The following DMD variants were observed in gnomAD, a reference collection of about 807,000 sequenced individuals.
The protein encoded by DMD is dystrophin, also known as mutant dystrophin.
In DMD, 63 loss-of-function variants were observed where a neutral mutation model predicts 330.1. The observed-to-expected ratio is 0.19, with a 90% CI of 0.16 to 0.24. The LOEUF is 0.24. Ranked by LOEUF, DMD falls within the 10% of genes least tolerant of loss-of-function variation. The pLI, the probability that DMD is intolerant of heterozygous loss-of-function variation, is 1.00. For missense variants in DMD, 3,344 were observed against 2,684.1 expected (o/e 1.25, Z -5.43); for synonymous variants, 1,223 against 959.8 (o/e 1.27, Z -5.07).
intron 1 of DMD, among the ~76,000 whole-genome samples, chrX:33,059,751 T>C (rs1203532245): frequency 8.9e-6 from 1 of 112,203 alleles, no homozygotes; most frequent in Non-Finnish European, 1.9e-5. Flanking sequence ...TTTGAAGGTA[T>C]GTTATAGAAT....
At chrX:32,394,770 C>T (rs56265192) in intron 30 of DMD, among the ~76,000 whole-genome samples, 18,641 of 108,136 alleles carry the variant, frequency 0.17, 1,414 homozygotes, top group African/African-American at 0.29. Context: ...CCAAATTATA[C>T]ATCTGTAATC....
At chrX:33,004,643 T>A (rs775014609) in intron 2 of DMD, among the ~76,000 whole-genome samples, 3 of 111,359 alleles carry the variant, frequency 2.7e-5, no homozygotes, top group Non-Finnish European at 5.7e-5. Context: ...AAAAAGTTTA[T>A]AATCAATTTA....
At chrX:32,544,856 A>G (rs780627332) in intron 17 of DMD, among the ~76,000 whole-genome samples, 11 of 110,676 alleles carry the variant, frequency 9.9e-5, no homozygotes, top group East Asian at 5.7e-4. Flanking sequence ...AGAAAAAAAA[A>G]AAAGAAAGAA....
At chrX:32,820,256 G>A (rs1031949492) in intron 5 of DMD, among the ~76,000 whole-genome samples, 14 of 111,156 alleles carry the variant, frequency 1.3e-4, no homozygotes, top group Non-Finnish European at 2.5e-4. Flanking sequence ...TGGCTAACAC[G>A]GTGAAACCCC....
intron 53 of DMD, among the ~76,000 whole-genome samples, chrX:31,673,099 T>C (rs1428749172): frequency 8.9e-6 from 1 of 112,244 alleles, no homozygotes; most frequent in Non-Finnish European, 1.9e-5. Context: ...ATTGGCCTTT[T>C]TGAAGAATTC....
At chrX:32,920,890 G>A (rs2088330718) in intron 2 of DMD, among the ~76,000 whole-genome samples, 1 of 112,219 alleles carries the variant, frequency 8.9e-6, no homozygotes, top group South Asian at 3.7e-4. Flanking sequence ...GGGAAGGAGA[G>A]AGAACTAGTC....
intron 1 of DMD, among the ~76,000 whole-genome samples, chrX:33,095,552 T>C (rs2095146516): frequency 8.9e-6 from 1 of 112,347 alleles, no homozygotes; most frequent in African/African-American, 3.2e-5. Context: ...ATATTAATAA[T>C]CAAGAGTGGA....
At chrX:32,630,174 T>C (rs1242408255) in intron 11 of DMD, among the ~76,000 whole-genome samples, 1 of 111,898 alleles carries the variant, frequency 8.9e-6, no homozygotes, top group East Asian at 2.8e-4. Context: ...TCATTTCTCC[T>C]TCAAGTATGA....
chrX:32,728,900 G>T (rs1172747451), intron 7 of DMD, among the ~76,000 whole-genome samples: 2 of 111,632 alleles, frequency 1.8e-5, no homozygotes, highest in Non-Finnish European at 1.9e-5. Context: ...ATCTTGCCAT[G>T]CCAAACTGAA....
intron 76 of DMD, among the ~76,000 whole-genome samples, chrX:31,144,925 G>T (rs1214170368): frequency 9.0e-6 from 1 of 111,550 alleles, no homozygotes; most frequent in Non-Finnish European, 1.9e-5. Context: ...CATTACCACT[G>T]TAAAATGCCC....
chrX:31,927,470 G>A (rs2094795034), intron 47 of DMD, among the ~76,000 whole-genome samples: 1 of 111,508 alleles, frequency 9.0e-6, no homozygotes, highest in Admixed American at 9.5e-5. Flanking sequence ...AGATATTGTA[G>A]AACATTTTGG....
chrX:31,768,016 T>C (rs777014689), intron 51 of DMD, among the ~76,000 whole-genome samples: 28 of 111,565 alleles, frequency 2.5e-4, no homozygotes, highest in African/African-American at 8.1e-4. Context: ...GCTATTATCA[T>C]CTTGTCCAGA....
chrX:32,849,755 G>T lies in DMD; in HGVS notation c.159C>A (p.Leu53=), dbSNP rs762245872. 4.1e-6 allele frequency: 5 copies of T among 1,206,238 alleles called. No homozygotes were observed. The highest frequency in any genetic ancestry group is 5.6e-6 in the Non-Finnish European group (5 of 892,778). Residue 53 remains leucine, a synonymous_variant, in exon 3 of 79, where the codon CTC becomes CTA. Transcript: ENST00000357033. ...GTTTTTGCCCTGTCAGGCCTTCGAG[G>T]AGGTCTAGGAGGCGCCTCCCATCCT... is the stretch of plus-strand genomic sequence containing the variant. ...DLQDGRRLLD[L]LEGLTGQKLP...
intron 26 of DMD, among the ~76,000 whole-genome samples, chrX:32,450,210 G>A (rs976851985): frequency 3.6e-5 from 4 of 110,486 alleles, no homozygotes; most frequent in African/African-American, 9.8e-5. Flanking sequence ...CGGTGGTTAA[G>A]GTAAGGGCTT....
intron 43 of DMD, among the ~76,000 whole-genome samples, chrX:32,252,250 TTGCAGGTCTC>T (rs1449692076): frequency 9.0e-6 from 1 of 110,550 alleles, no homozygotes; most frequent in Non-Finnish European, 1.9e-5. Flanking sequence ...CTTTACTGAG[TTGCAGGTCTC>T]TGCTTCAATA....
intron 50 of DMD, among the ~76,000 whole-genome samples, chrX:31,776,610 AGGAG>A (rs1159120891): frequency 1.5e-3 from 94 of 60,865 alleles, no homozygotes; most frequent in African/African-American, 6.1e-3. Flanking sequence ...GGAGGGAGGA[AGGAG>A]GGAGGGAGGG....
chrX:32,776,133 A>C (rs184098080), intron 7 of DMD, among the ~76,000 whole-genome samples: 12 of 110,715 alleles, frequency 1.1e-4, no homozygotes, highest in Admixed American at 2.9e-4. Context: ...AGTCACTTTT[A>C]CTCCAGTTCC....
chrX:32,385,366 T>C (rs769369122), intron 33 of DMD, among the ~76,000 whole-genome samples: 10 of 110,941 alleles, frequency 9.0e-5, no homozygotes, highest in South Asian at 3.7e-4. Flanking sequence ...GAAAATGCAA[T>C]TGGACACTTA....
intron 1 of DMD, among the ~76,000 whole-genome samples, chrX:33,107,299 C>T (rs954597977): frequency 1.5e-5 from 1 of 66,412 alleles, no homozygotes; most frequent in Non-Finnish European, 2.7e-5. Context: ...GCAACAAGAG[C>T]GAAGCTCTGT....
Sources: gnomAD v4.1 joint callset for allele counts (sites outside exome capture counted in the v4.1 genomes callset) on GRCh38, gnomAD v4.1.1 for gene constraint, MANE v1.5 for transcripts, NCBI Gene and HGNC (gene_info 2026-07-23, HGNC 2026-07-21) for gene names.